The following PHF14 variants were observed in gnomAD, a reference collection of about 807,000 sequenced individuals.
PHF14 encodes the protein PHD finger protein 14.
A neutral mutation model predicts 117.9 loss-of-function variants in PHF14; 55 were observed. The observed-to-expected ratio is 0.47, with a 90% CI of 0.38 to 0.58. The LOEUF (loss-of-function observed/expected upper bound fraction) is 0.58, where lower values mean the gene tolerates loss of function less well. PHF14 is among the 20% of genes least tolerant of loss of function. PHF14 has a pLI of 0.00. For synonymous variants in PHF14, 409 were observed against 368.6 expected, an observed-to-expected ratio of 1.11 and a Z score of -1.26; for missense variants, 978 against 1,122.2, an observed-to-expected ratio of 0.87 and a Z score of 1.84.
intron 14 of PHF14, among the ~76,000 whole-genome samples, chr7:11,056,064 A>G (rs146574418): frequency 2.6e-4 from 39 of 152,266 alleles, no homozygotes; most frequent in African/African-American, 8.9e-4. Context: ...GTCAGATTAT[A>G]AAACCTCTAT....
intron 17 of PHF14, among the ~76,000 whole-genome samples, chr7:11,114,830 A>G (rs759327301): frequency 6.6e-6 from 1 of 152,048 alleles, no homozygotes; most frequent in Non-Finnish European, 1.5e-5. Context: ...CTTCAAAGCC[A>G]TTGATTAAGA....
intron 16 of PHF14, among the ~76,000 whole-genome samples, chr7:11,098,433 T>C (rs1188303146): frequency 6.6e-6 from 1 of 152,170 alleles, no homozygotes. Context: ...TCTGATTATC[T>C]CTCCCTTGGA....
At chr7:10,997,125 A>G (rs1782681436) in intron 4 of PHF14, among the ~76,000 whole-genome samples, 1 of 152,212 alleles carries the variant, frequency 6.6e-6, no homozygotes, top group Non-Finnish European at 1.5e-5. Context: ...TATTTAATGC[A>G]TACGTGCTTT....
In PHF14 at chr7:10,998,334, G is replaced by T. The variant is rs73279443; in HGVS notation, c.1045+7487G>T. Among the ~76,000 whole-genome samples the T allele has an allele frequency of 3.6e-3, 545 of 152,134 alleles. 2 individuals are homozygous for T. Among genetic ancestry groups the T allele is most frequent in the African/African-American group, 0.013 (530 of 41,554 alleles). On this transcript the variant is annotated intron_variant, in intron 4 of 17. Transcript: ENST00000634607. ...AAAGCCATTAGCAGAGAGTGGGACA[G>T]TGGGGAGTTAGAGATTTGGGGAGGC...
intron 16 of PHF14, among the ~76,000 whole-genome samples, chr7:11,079,813 T>A (rs1422261530): frequency 1.3e-5 from 2 of 152,168 alleles, no homozygotes; most frequent in Non-Finnish European, 2.9e-5. Flanking sequence ...AGTTAATTTT[T>A]TTTTCTTCAT....
At chr7:11,051,855 G>C in intron 14 of PHF14, 75 bp downstream of exon 14, 1 of 1,216,416 alleles carries the variant, frequency 8.2e-7, no homozygotes, top group Non-Finnish European at 1.2e-6. Context: ...AAAGACACAG[G>C]GCAAACATAT....
intron 16 of PHF14, among the ~76,000 whole-genome samples, chr7:11,067,748 A>G (rs1421883180): frequency 6.6e-6 from 1 of 152,186 alleles, no homozygotes; most frequent in Non-Finnish European, 1.5e-5. Context: ...GAGGACCTCA[A>G]GGTGCTTTCA....
chr7:11,008,761 C>T (rs1295788999), intron 4 of PHF14, among the ~76,000 whole-genome samples: 2 of 151,940 alleles, frequency 1.3e-5, no homozygotes, highest in South Asian at 2.1e-4. Flanking sequence ...TTTGGCCGGG[C>T]GCGGTGGCTC....
chr7:11,152,849 C>T (rs1788739335), intron 17 of PHF14, among the ~76,000 whole-genome samples: 1 of 152,006 alleles, frequency 6.6e-6, no homozygotes, highest in Non-Finnish European at 1.5e-5. Flanking sequence ...GAAAAATGAG[C>T]CATACAAAAT....
intron 17 of PHF14, among the ~76,000 whole-genome samples, chr7:11,145,483 T>A (rs1385007291): frequency 6.6e-6 from 1 of 152,126 alleles, no homozygotes; most frequent in Non-Finnish European, 1.5e-5. Flanking sequence ...AGGCAGTTAC[T>A]TCACTATAAG....
intron 6 of PHF14, among the ~76,000 whole-genome samples, chr7:11,027,226 A>G (rs925849153): frequency 6.6e-6 from 1 of 152,024 alleles, no homozygotes; most frequent in Non-Finnish European, 1.5e-5. Flanking sequence ...ATTTCTCTTT[A>G]TCTCTCTTGC....
At chr7:11,017,878 G>C (rs765341663) in intron 5 of PHF14, among the ~76,000 whole-genome samples, 1 of 152,148 alleles carries the variant, frequency 6.6e-6, no homozygotes, top group Non-Finnish European at 1.5e-5. Context: ...TTTTCTTGTA[G>C]TATTTTCATA....
At chr7:11,116,862 A>G (rs1329631465) in intron 17 of PHF14, among the ~76,000 whole-genome samples, 2 of 151,970 alleles carry the variant, frequency 1.3e-5, no homozygotes, top group Non-Finnish European at 2.9e-5. Flanking sequence ...TTTTAAAACA[A>G]TGTGTATAAC....
At chr7:11,008,037 A>G (rs1274852737) in intron 4 of PHF14, among the ~76,000 whole-genome samples, 1 of 152,022 alleles carries the variant, frequency 6.6e-6, no homozygotes, top group East Asian at 1.9e-4. Context: ...GATGTCACTT[A>G]TCCTGATATC....
At position 11,038,077 on chromosome 7, in the gene PHF14, G is replaced by T. The variant is rs143188006; in HGVS notation, c.1981-683G>T. Among the ~76,000 whole-genome samples, 586 of 152,088 alleles carry T rather than the reference G, an allele frequency of 3.9e-3. 7 individuals carry two copies. Among genetic ancestry groups the T allele is most frequent in the Non-Finnish European group, 3.5e-3 (237 of 67,974 alleles). ...CAGCAACAAATACTGCTGAATAATT[G>T]GATAGCCTTGTCTCTCAGTGGTATT... On this transcript the variant is annotated intron_variant, in intron 10 of 17. Transcript: ENST00000634607.
At chr7:11,084,822 T>C (rs2128337244) in intron 16 of PHF14, among the ~76,000 whole-genome samples, 2 of 152,264 alleles carry the variant, frequency 1.3e-5, no homozygotes, top group Middle Eastern at 6.8e-3. Context: ...TAACAATCAG[T>C]TTCAATGTTT....
chr7:10,976,753 A>G (rs966283970), intron 2 of PHF14, among the ~76,000 whole-genome samples: 3 of 151,524 alleles, frequency 2.0e-5, no homozygotes, highest in Non-Finnish European at 4.4e-5. Context: ...AAATGATAGG[A>G]TGAGTTTTGT....
chr7:11,155,018 G>A (rs1455876030), intron 17 of PHF14, among the ~76,000 whole-genome samples: 1 of 152,010 alleles, frequency 6.6e-6, no homozygotes, highest in African/African-American at 2.4e-5. Context: ...CTATCTGTAG[G>A]TACCTATCTT....
intron 17 of PHF14, among the ~76,000 whole-genome samples, chr7:11,124,557 C>T: frequency 6.6e-6 from 1 of 151,936 alleles, no homozygotes; most frequent in East Asian, 1.9e-4. Context: ...ATGTATAATT[C>T]TATGTAATCC....
Sources: allele counts gnomAD v4.1 joint callset (sites outside exome capture counted in the v4.1 genomes callset), GRCh38; gene constraint gnomAD v4.1.1; transcripts MANE v1.5; gene names NCBI Gene and HGNC (gene_info 2026-07-23, HGNC 2026-07-21).